CSMD1: variants seen among roughly 807,000 people sequenced by gnomAD.
CSMD1 encodes CUB and sushi domain-containing protein 1.
Under a neutral mutation model 417.5 loss-of-function variants are expected in CSMD1, and 213 were observed. That is an observed-to-expected ratio of 0.51 (90% CI 0.46 to 0.57). The LOEUF is 0.57. CSMD1 is among the 20% of genes least tolerant of loss of function. The pLI is 0.00. For synonymous variants in CSMD1, 2,862 were observed against 1,736.8 expected, an observed-to-expected ratio of 1.65 and a Z score of -16.11; for missense variants, 6,923 against 4,529.7, an observed-to-expected ratio of 1.53 and a Z score of -15.17.
intron 2 of CSMD1, among the ~76,000 whole-genome samples, chr8:4,442,997 C>T (rs567035141): frequency 6.6e-6 from 1 of 152,236 alleles, no homozygotes; most frequent in Admixed American, 6.5e-5. Context: ...TTTAACTCTT[C>T]CATCTCCCAA....
At chr8:4,956,125 C>T (rs939615148) in intron 1 of CSMD1, among the ~76,000 whole-genome samples, 1 of 152,130 alleles carries the variant, frequency 6.6e-6, no homozygotes, top group African/African-American at 2.4e-5. Flanking sequence ...TAATTACTTT[C>T]TCGCTCATAA....
intron 2 of CSMD1, among the ~76,000 whole-genome samples, chr8:4,523,565 A>C (rs753930351): frequency 2.0e-5 from 3 of 152,096 alleles, no homozygotes; most frequent in Non-Finnish European, 4.4e-5. Context: ...AGAATATGCA[A>C]TTGTGGTTGC....
At chr8:4,356,384 T>C (rs983534489) in intron 3 of CSMD1, among the ~76,000 whole-genome samples, 1 of 151,986 alleles carries the variant, frequency 6.6e-6, no homozygotes, top group Admixed American at 6.6e-5. Flanking sequence ...TTATGGACAT[T>C]TGGGTTGGTT....
At chr8:3,257,742 C>T (rs182976153) in intron 26 of CSMD1, among the ~76,000 whole-genome samples, 3 of 152,022 alleles carry the variant, frequency 2.0e-5, no homozygotes, top group Non-Finnish European at 4.4e-5. Context: ...ATGGACATTT[C>T]TGGGGCTGGA....
chr8:4,081,208 C>A (rs1332435274), intron 3 of CSMD1, among the ~76,000 whole-genome samples: 1 of 152,252 alleles, frequency 6.6e-6, no homozygotes, highest in African/African-American at 2.4e-5. Context: ...CAGTCTGTGG[C>A]GTTTTGTTAT....
intron 41 of CSMD1, among the ~76,000 whole-genome samples, chr8:3,126,359 A>T (rs1162244645): frequency 6.6e-6 from 1 of 152,174 alleles, no homozygotes; most frequent in African/African-American, 2.4e-5. Context: ...TCTGATGGAG[A>T]CAGACCCAGG....
intron 1 of CSMD1, among the ~76,000 whole-genome samples, chr8:4,815,601 C>G (rs1276241907): frequency 2.1e-5 from 3 of 146,322 alleles, no homozygotes; most frequent in African/African-American, 7.7e-5. Flanking sequence ...GAGGCTGAGG[C>G]AGGAGAAGCG....
At position 4,021,403 on chromosome 8, in the gene CSMD1, G is replaced by A. The variant is rs531431147; in HGVS notation, c.610+10502C>T. Among the ~76,000 whole-genome samples the A allele has an allele frequency of 4.6e-5, 7 of 152,248 alleles. No individual in the cohort carries two copies. In the East Asian group the frequency reaches 1.2e-3, roughly 25 times the overall value. Reference sequence around the variant, plus strand: ...TAACTTCATCTGTGGCTCACATTATGGATTGTGTTATATGTTGAGTGGACA... The same window carrying A: ...TAACTTCATCTGTGGCTCACATTATAGATTGTGTTATATGTTGAGTGGACA... On this transcript the variant is annotated intron_variant, in intron 4 of 69. Coordinates refer to ENST00000635120, the MANE Select transcript of CSMD1 (RefSeq NM_033225.6).
intron 12 of CSMD1, among the ~76,000 whole-genome samples, chr8:3,446,001 G>C (rs759220031): frequency 6.6e-6 from 1 of 152,122 alleles, no homozygotes; most frequent in African/African-American, 2.4e-5. Flanking sequence ...GAATGTAATG[G>C]AAAGTCAAAA....
At chr8:4,612,117 G>A (rs546979405) in intron 2 of CSMD1, among the ~76,000 whole-genome samples, 2 of 152,114 alleles carry the variant, frequency 1.3e-5, no homozygotes, top group African/African-American at 2.4e-5. Flanking sequence ...TTTCATGAAG[G>A]AATGCATCTC....
At chr8:3,682,079 G>A (rs543598303) in intron 7 of CSMD1, among the ~76,000 whole-genome samples, 73 of 152,022 alleles carry the variant, frequency 4.8e-4, no homozygotes, top group African/African-American at 1.4e-3. Flanking sequence ...ACCTAAAATC[G>A]TAAAAACCCT....
At chr8:3,696,449 A>G (rs372634456) in intron 7 of CSMD1, among the ~76,000 whole-genome samples, 1 of 152,240 alleles carries the variant, frequency 6.6e-6, no homozygotes, top group Non-Finnish European at 1.5e-5. Context: ...GCTTCTGCAC[A>G]TCTCTTCTCT....
chr8:3,125,234 G>C (rs772061533), intron 41 of CSMD1, among the ~76,000 whole-genome samples: 12 of 152,228 alleles, frequency 7.9e-5, no homozygotes, highest in African/African-American at 2.9e-4. Context: ...TGTTTAGTGT[G>C]AGTGTGATGG....
chr8:4,585,886 A>G (rs978630476), intron 2 of CSMD1, among the ~76,000 whole-genome samples: 3 of 152,250 alleles, frequency 2.0e-5, no homozygotes, highest in Admixed American at 6.5e-5. Flanking sequence ...TGGAATAAAC[A>G]GCAATACAAA....
At chr8:3,511,172 T>G (rs556791687) in intron 10 of CSMD1, among the ~76,000 whole-genome samples, 2 of 150,584 alleles carry the variant, frequency 1.3e-5, no homozygotes, top group South Asian at 2.1e-4. Flanking sequence ...TAAGTGGGAG[T>G]TGAACAATGA....
intron 5 of CSMD1, among the ~76,000 whole-genome samples, chr8:3,762,090 C>T (rs953311856): frequency 1.3e-5 from 2 of 152,110 alleles, no homozygotes; most frequent in Non-Finnish European, 2.9e-5. Flanking sequence ...CTCCTGAGCC[C>T]TCCCACTCAC....
In CSMD1 at chr8:3,723,955, G is replaced by T. The variant is rs979157073; in HGVS notation, c.932-15464C>A. 3.5e-5 allele frequency among the ~76,000 whole-genome samples: 4 copies of T among 114,160 alleles called. 1 individual carries two copies. The highest frequency in any genetic ancestry group is 1.0e-4 in the African/African-American group (4 of 39,796). The allele number at this position is 114,160 out of a possible 152,430, so 74.9% of individuals were successfully genotyped here. On this transcript the variant is annotated intron_variant, in intron 6 of 69. Transcript: ENST00000635120. ...GCTAACTTTTAAGAAATAGCCATTT[G>T]TTAAGTTTAATGTTGTGTGAAAGAA...
At chr8:3,926,461 G>A (rs1015451771) in intron 5 of CSMD1, among the ~76,000 whole-genome samples, 1 of 149,708 alleles carries the variant, frequency 6.7e-6, no homozygotes, top group Non-Finnish European at 1.5e-5. Flanking sequence ...TGTTGAATGA[G>A]TGAATACATG....
At chr8:4,718,993 T>C (rs965977029) in intron 1 of CSMD1, among the ~76,000 whole-genome samples, 1 of 152,044 alleles carries the variant, frequency 6.6e-6, no homozygotes, top group African/African-American at 2.4e-5. Context: ...TTTGAAGATA[T>C]GTAGGTATGA....
Sources: gnomAD v4.1 joint callset for allele counts (sites outside exome capture counted in the v4.1 genomes callset) on GRCh38, gnomAD v4.1.1 for gene constraint, MANE v1.5 for transcripts, NCBI Gene and HGNC (gene_info 2026-07-23, HGNC 2026-07-21) for gene names.